The following PTPRD variants were observed in gnomAD, a reference collection of about 807,000 sequenced individuals.
PTPRD encodes protein tyrosine phosphatase receptor type D, also known as receptor-type tyrosine-protein phosphatase delta.
Under a neutral mutation model 214.5 loss-of-function variants are expected in PTPRD, and 34 were observed. The ratio of observed to expected loss-of-function variants is 0.16; its 90% CI spans 0.12 to 0.21. PTPRD has a LOEUF of 0.21. Among genes scored for constraint, PTPRD ranks in the 10% least tolerant of loss-of-function variants. The probability of loss-of-function intolerance (pLI) is 1.00; values close to 1 mark genes in which losing one functional copy is unlikely to be tolerated. For synonymous variants in PTPRD, 1,128 were observed against 845.7 expected, an observed-to-expected ratio of 1.33 and a Z score of -5.79; for missense variants, 2,545 against 2,398.7, an observed-to-expected ratio of 1.06 and a Z score of -1.27.
intron 11 of PTPRD, among the ~76,000 whole-genome samples, chr9:8,815,999 C>T (rs1406204801): frequency 2.0e-5 from 3 of 152,136 alleles, no homozygotes; most frequent in Non-Finnish European, 4.4e-5. Flanking sequence ...CAGACATTTA[C>T]CCCATAACAA....
intron 6 of PTPRD, among the ~76,000 whole-genome samples, chr9:9,747,633 G>A (rs562696699): frequency 2.7e-5 from 4 of 148,298 alleles, no homozygotes; most frequent in South Asian, 2.1e-4. Flanking sequence ...TGCAACCTTC[G>A]TCTCGCAGGT....
chr9:8,633,970 G>C (rs376342413), intron 13 of PTPRD, among the ~76,000 whole-genome samples: 29 of 152,050 alleles, frequency 1.9e-4, no homozygotes, highest in East Asian at 1.7e-3. Context: ...CATAAATCTA[G>C]TACTTAGGCA....
chr9:8,750,160 A>C (rs1359922328), intron 11 of PTPRD, among the ~76,000 whole-genome samples: 2 of 152,060 alleles, frequency 1.3e-5, no homozygotes, highest in Non-Finnish European at 2.9e-5. Flanking sequence ...AGATAGAAAA[A>C]TACAAGTAAT....
At chr9:9,310,097 C>A (rs1958452703) in intron 9 of PTPRD, among the ~76,000 whole-genome samples, 2 of 152,110 alleles carry the variant, frequency 1.3e-5, no homozygotes. Flanking sequence ...ACAGAGGAGT[C>A]CCTGCAGATC....
rs540700873 is a variant in PTPRD at position 8,803,766 on chromosome 9, G to A, written c.-103-69820C>T. ...AAAAAAAAAAGAAAAGAAAAAGTAC[G>A]AAATCATGTTTGGTAGTCCTATTCA... On this transcript the variant is annotated intron_variant, in intron 11 of 45. Coordinates refer to ENST00000381196, the MANE Select transcript of PTPRD (RefSeq NM_002839.4). 9.9e-5 allele frequency among the ~76,000 whole-genome samples: 15 copies of A among 151,302 alleles called. No individual in the cohort carries two copies. The East Asian group carries it at 1.4e-3, about 14-fold the overall frequency.
intron 14 of PTPRD, among the ~76,000 whole-genome samples, chr9:8,621,187 A>G (rs560245161): frequency 1.3e-4 from 19 of 151,710 alleles, no homozygotes; most frequent in African/African-American, 4.1e-4. Context: ...CTTCCCCTCC[A>G]CCATTCTGAG....
At chr9:8,789,348 G>C (rs971448501) in intron 11 of PTPRD, among the ~76,000 whole-genome samples, 1 of 152,198 alleles carries the variant, frequency 6.6e-6, no homozygotes, top group Non-Finnish European at 1.5e-5. Flanking sequence ...GACATAAATG[G>C]AAACAGACTT....
chr9:8,453,450 C>A (rs955609859), intron 33 of PTPRD, among the ~76,000 whole-genome samples: 3 of 152,198 alleles, frequency 2.0e-5, no homozygotes, highest in East Asian at 3.9e-4. Context: ...AGGCGTGAGC[C>A]ACCATGCCTG....
intron 10 of PTPRD, among the ~76,000 whole-genome samples, chr9:9,032,492 G>A (rs935329886): frequency 3.3e-5 from 5 of 151,966 alleles, no homozygotes; most frequent in Non-Finnish European, 4.4e-5. Flanking sequence ...ATAATTATGA[G>A]GGAAGGAAAT....
chr9:8,539,953 T>C (rs116881731), intron 14 of PTPRD, among the ~76,000 whole-genome samples: 1 of 152,120 alleles, frequency 6.6e-6, no homozygotes, highest in Non-Finnish European at 1.5e-5. Context: ...TAGATGGTTA[T>C]GATGCATCAG....
intron 8 of PTPRD, among the ~76,000 whole-genome samples, chr9:9,561,174 G>A (rs565049028): frequency 3.3e-5 from 5 of 152,210 alleles, no homozygotes; most frequent in South Asian, 2.1e-4. Flanking sequence ...GGAGTTATAC[G>A]CCTGCGCTCT....
intron 2 of PTPRD, among the ~76,000 whole-genome samples, chr9:10,506,830 T>C (rs2046149158): frequency 1.3e-5 from 2 of 152,112 alleles, no homozygotes; most frequent in Non-Finnish European, 2.9e-5. Context: ...GATATTTCCT[T>C]ATGATTAGAC....
chr9:8,372,714 G>A (rs189491351), intron 39 of PTPRD, among the ~76,000 whole-genome samples: 7 of 152,092 alleles, frequency 4.6e-5, no homozygotes, highest in East Asian at 1.9e-4. Context: ...CCTTGTCTGC[G>A]CTTGTTGCAC....
At chr9:9,923,463 A>G (rs1161631274) in intron 5 of PTPRD, among the ~76,000 whole-genome samples, 1 of 146,760 alleles carries the variant, frequency 6.8e-6, no homozygotes, top group African/African-American at 2.5e-5. Flanking sequence ...ATTAAACTAT[A>G]GAAGAAAATT....
At chr9:8,583,646 T>C (rs2093382129) in intron 14 of PTPRD, among the ~76,000 whole-genome samples, 1 of 152,210 alleles carries the variant, frequency 6.6e-6, no homozygotes, top group Non-Finnish European at 1.5e-5. Flanking sequence ...CATGTAGGTG[T>C]AAAACCTTTC....
At chr9:9,269,916 G>C (rs1171286666) in intron 9 of PTPRD, among the ~76,000 whole-genome samples, 1 of 150,994 alleles carries the variant, frequency 6.6e-6, no homozygotes, top group East Asian at 2.0e-4. Flanking sequence ...AAGGCGAATA[G>C]GCTCGGGAGA....
chr9:9,510,357 T>C (rs765333297), intron 8 of PTPRD, among the ~76,000 whole-genome samples: 6 of 151,708 alleles, frequency 4.0e-5, no homozygotes, highest in Non-Finnish European at 7.4e-5. Context: ...TTTTAGTTTT[T>C]ATCAGCAATG....
intron 20 of PTPRD, among the ~76,000 whole-genome samples, chr9:8,519,019 TG>T (rs2097841858): frequency 1.3e-5 from 2 of 152,264 alleles, no homozygotes; most frequent in South Asian, 4.1e-4. Flanking sequence ...TAAATTGCGA[TG>T]AAACAATAAC....
chr9:9,789,796 CAAAAAAAAAAA>C (rs774579667), intron 5 of PTPRD, among the ~76,000 whole-genome samples: 553 of 40,816 alleles, frequency 0.014, 4 homozygotes, highest in African/African-American at 0.042. Flanking sequence ...AACTCTGTCT[CAAAAAAAAAAA>C]AAAAAAAAAA....
Sources: gnomAD v4.1 joint callset for allele counts (sites outside exome capture counted in the v4.1 genomes callset) on GRCh38, gnomAD v4.1.1 for gene constraint, MANE v1.5 for transcripts, NCBI Gene and HGNC (gene_info 2026-07-23, HGNC 2026-07-21) for gene names.